Variants in SLC35F1 observed in about 807,000 individuals in gnomAD.
The protein encoded by SLC35F1 is solute carrier family 35 member F1.
In SLC35F1, 14 loss-of-function variants were observed where a neutral mutation model predicts 48.7. The observed-to-expected ratio is 0.29, with a 90% CI of 0.19 to 0.45. The LOEUF (loss-of-function observed/expected upper bound fraction) is 0.45. Among genes scored for constraint, SLC35F1 ranks in the 20% least tolerant of loss-of-function variants. The pLI, the probability that SLC35F1 is intolerant of heterozygous loss-of-function variation, is 1.00. For missense variants in SLC35F1, 404 were observed against 500.0 expected, an observed-to-expected ratio of 0.81 and a Z score of 1.83; for synonymous variants, 190 against 202.2, an observed-to-expected ratio of 0.94 and a Z score of 0.51.
chr6:117,907,782 C>A lies in SLC35F1; in HGVS notation c.56C>A (p.Pro19Gln), dbSNP rs979887993. 6.4e-6 allele frequency: 10 copies of A among 1,561,632 alleles called. No individual in the cohort carries two copies. Among genetic ancestry groups the A allele is most frequent in the Non-Finnish European group, 7.7e-6 (9 of 1,162,960 alleles). ...QQLQPPSPAP[P>Q]NHVVTTIENL... ...CTGCAGCCGCCGTCGCCAGCCCCGCCGAACCATGTGGTGACCACCATCGAG... is the reference window on the plus strand; with the variant it reads ...CTGCAGCCGCCGTCGCCAGCCCCGCAGAACCATGTGGTGACCACCATCGAG... The change falls in exon 1 of 8, where the codon CCG becomes CAG. Residue 19 changes from proline (P) to glutamine (Q), a missense_variant. Coordinates refer to ENST00000360388, the MANE Select transcript of SLC35F1 (RefSeq NM_001029858.4).
At chr6:118,142,960 G>A (rs2114446422) in intron 1 of SLC35F1, among the ~76,000 whole-genome samples, 1 of 152,182 alleles carries the variant, frequency 6.6e-6, no homozygotes, top group African/African-American at 2.4e-5. Context: ...TATTTATCCA[G>A]GTTCTCTGCA....
chr6:118,245,794 T>C (rs536077015), intron 3 of SLC35F1, among the ~76,000 whole-genome samples: 82 of 152,326 alleles, frequency 5.4e-4, no homozygotes, highest in African/African-American at 1.9e-3. Flanking sequence ...TTCTCTGATG[T>C]GGCTTCCTCA....
At chr6:118,086,322 T>C (rs1282214753) in intron 1 of SLC35F1, among the ~76,000 whole-genome samples, 1 of 152,234 alleles carries the variant, frequency 6.6e-6, no homozygotes, top group Non-Finnish European at 1.5e-5. Flanking sequence ...GTCTACCTCT[T>C]CCACTTTCTG....
At chr6:118,065,285 A>G (rs1772596507) in intron 1 of SLC35F1, among the ~76,000 whole-genome samples, 1 of 152,234 alleles carries the variant, frequency 6.6e-6, no homozygotes, top group African/African-American at 2.4e-5. Context: ...TGGTTTCTGC[A>G]AAAGCTAAGA....
chr6:118,241,106 A>G (rs138894899), intron 3 of SLC35F1, among the ~76,000 whole-genome samples: 1 of 152,324 alleles, frequency 6.6e-6, no homozygotes, highest in East Asian at 1.9e-4. Context: ...GCTGGGCCAT[A>G]TTGTAGAAGG....
At chr6:118,100,543 T>G (rs1049118269) in intron 1 of SLC35F1, among the ~76,000 whole-genome samples, 2 of 152,126 alleles carry the variant, frequency 1.3e-5, no homozygotes, top group African/African-American at 4.8e-5. Context: ...AGTATCAACA[T>G]TAGAACCAGC....
chr6:118,162,515 T>G (rs1401774130), intron 2 of SLC35F1, among the ~76,000 whole-genome samples: 1 of 152,166 alleles, frequency 6.6e-6, no homozygotes, highest in Non-Finnish European at 1.5e-5. Flanking sequence ...GGAGAGAATT[T>G]TATTGTATCT....
At chr6:118,299,038 G>A (rs530110304) in intron 7 of SLC35F1, among the ~76,000 whole-genome samples, 3 of 152,068 alleles carry the variant, frequency 2.0e-5, no homozygotes, top group African/African-American at 4.8e-5. Context: ...TAAATTAGCC[G>A]GGCATGGTGG....
At chr6:118,093,614 G>T (rs1242254794) in intron 1 of SLC35F1, among the ~76,000 whole-genome samples, 1 of 152,200 alleles carries the variant, frequency 6.6e-6, no homozygotes, top group Non-Finnish European at 1.5e-5. Flanking sequence ...GCCTTCTGCT[G>T]TGATTGTGAG....
chr6:118,304,449 A>T (rs1032970919), intron 7 of SLC35F1, among the ~76,000 whole-genome samples: 1 of 152,136 alleles, frequency 6.6e-6, no homozygotes, highest in African/African-American at 2.4e-5. Context: ...AGGTCCAAAC[A>T]TGGAGTCTAT....
intron 1 of SLC35F1, among the ~76,000 whole-genome samples, chr6:118,135,717 G>A (rs1773784418): frequency 6.6e-6 from 1 of 152,224 alleles, no homozygotes; most frequent in Non-Finnish European, 1.5e-5. Context: ...AGCTTTAACA[G>A]CACATTTGGG....
intron 1 of SLC35F1, among the ~76,000 whole-genome samples, chr6:117,984,774 GT>G (rs1278060413): frequency 6.6e-6 from 1 of 152,290 alleles, no homozygotes; most frequent in African/African-American, 2.4e-5. Context: ...ACTCTAGGCA[GT>G]ATGTGCATTT....
intron 1 of SLC35F1, among the ~76,000 whole-genome samples, chr6:118,129,623 C>G (rs1047796814): frequency 6.6e-6 from 1 of 151,698 alleles, no homozygotes; most frequent in Non-Finnish European, 1.5e-5. Context: ...TGGGTAGATT[C>G]GAGGGATGTT....
rs200277886 is a variant in SLC35F1, at chr6:118,267,044, T to C, written c.527T>C (p.Phe176Ser). 4 of 1,614,034 alleles carry C rather than the reference T, an allele frequency of 2.5e-6. No individual in the cohort carries two copies. Among genetic ancestry groups the C allele is most frequent in the Non-Finnish European group, 8.5e-7 (1 of 1,179,924 alleles). ...IPVVILLSWF[F>S]LLIRYKAVHF... ...GTCGTGATTTTGCTCTCCTGGTTCT[T>C]CCTGCTGATCCGGTACAAGGCTGTG... Residue 176 changes from phenylalanine (F) to serine (S), a missense_variant, in exon 4 of 8, where the codon TTC (phenylalanine) becomes TCC (serine). This residue lies in a region of SLC35F1 where 306 missense variants were observed against 419.1 expected (regional missense o/e 0.73). Transcript: ENST00000360388.
chr6:118,115,576 G>T (rs1420794500), intron 1 of SLC35F1, among the ~76,000 whole-genome samples: 1 of 152,160 alleles, frequency 6.6e-6, no homozygotes, highest in Non-Finnish European at 1.5e-5. Flanking sequence ...GGCCAGCAGG[G>T]TGCATTCTTT....
intron 1 of SLC35F1, among the ~76,000 whole-genome samples, chr6:117,914,365 A>G (rs1362230095): frequency 1.3e-5 from 2 of 152,166 alleles, no homozygotes; most frequent in East Asian, 3.8e-4. Context: ...CTATAACTGA[A>G]CAAACACTGA....
intron 3 of SLC35F1, among the ~76,000 whole-genome samples, chr6:118,241,689 C>A (rs948554782): frequency 1.3e-5 from 2 of 152,068 alleles, no homozygotes; most frequent in African/African-American, 4.8e-5. Context: ...TATCCCATCA[C>A]CACAAAGGAA....
At chr6:118,143,506 T>G (rs1007550425) in intron 1 of SLC35F1, among the ~76,000 whole-genome samples, 11 of 152,334 alleles carry the variant, frequency 7.2e-5, no homozygotes, top group African/African-American at 2.4e-4. Flanking sequence ...ATATTCCTCA[T>G]TTCTTTTTTG....
At chr6:118,077,690 T>A (rs1482010034) in intron 1 of SLC35F1, among the ~76,000 whole-genome samples, 7 of 152,212 alleles carry the variant, frequency 4.6e-5, no homozygotes, top group Non-Finnish European at 1.0e-4. Context: ...TTAGAAGCTT[T>A]GTCAGCATAT....
Sources: allele counts gnomAD v4.1 joint callset (sites outside exome capture counted in the v4.1 genomes callset), GRCh38; gene constraint gnomAD v4.1.1; regional missense constraint gnomAD v4.1.1; transcripts MANE v1.5; gene names NCBI Gene and HGNC (gene_info 2026-07-23, HGNC 2026-07-21).